OLFM3: variants seen among roughly 807,000 people sequenced by gnomAD.
The protein encoded by OLFM3 is noelin-3.
In OLFM3, 20 loss-of-function variants were observed where a neutral mutation model predicts 48.6. That is an observed-to-expected ratio of 0.41 (90% CI 0.29 to 0.60). The LOEUF is 0.60. Ranked by LOEUF, OLFM3 falls within the 20% of genes least tolerant of loss-of-function variation. OLFM3 has a pLI of 0.28. For synonymous variants in OLFM3, 222 were observed against 198.1 expected, an observed-to-expected ratio of 1.12 and a Z score of -1.01; for missense variants, 437 against 544.3, an observed-to-expected ratio of 0.80 and a Z score of 1.96.
intron 4 of OLFM3, among the ~76,000 whole-genome samples, chr1:101,811,091 A>G (rs1654025399): frequency 6.6e-6 from 1 of 152,122 alleles, no homozygotes; most frequent in East Asian, 1.9e-4. Context: ...ATACATACAC[A>G]GGATCTCAGA....
At chr1:101,812,613 C>T in intron 4 of OLFM3, 1 of 985,684 alleles carries the variant, frequency 1.0e-6, no homozygotes, top group Non-Finnish European at 1.2e-6. Flanking sequence ...CACAGCACAT[C>T]ACTGGCTTGG....
At chr1:101,990,071 C>T (rs935069550) in intron 1 of OLFM3, among the ~76,000 whole-genome samples, 4 of 152,146 alleles carry the variant, frequency 2.6e-5, no homozygotes, top group Admixed American at 1.3e-4. Flanking sequence ...GATCTCTTCT[C>T]CATGATTAGT....
chr1:101,825,200 G>A lies in OLFM3; in HGVS notation c.418C>T (p.Leu140=). 1.9e-6 allele frequency: 3 copies of A among 1,614,046 alleles called. No individual in the cohort carries two copies. The highest frequency in any genetic ancestry group is 2.5e-6 in the Non-Finnish European group (3 of 1,179,952). The change falls in exon 4 of 6, where the codon CTG becomes TTG. Residue 140 remains leucine, a synonymous_variant. Coordinates refer to ENST00000370103, the MANE Select transcript of OLFM3 (RefSeq NM_058170.4). ...TTAGCATCTGTTTTGTACTGTTCCA[G>A]CACGGGGATCAAAGGCAGGAGCTCG... ...MDELLPLIPV[L]EQYKTDAKLI... is the part of the protein sequence containing the mutation.
chr1:101,988,182 T>C (rs10747412), intron 1 of OLFM3, among the ~76,000 whole-genome samples: 152,090 of 152,214 alleles, frequency 1, 75,985 homozygotes, highest in Middle Eastern at 1. Context: ...AGGTAATATA[T>C]GAATTTATCA....
intron 3 of OLFM3, among the ~76,000 whole-genome samples, chr1:101,826,754 A>C (rs72985992): frequency 0.011 from 1,664 of 152,334 alleles, 12 homozygotes; most frequent in Middle Eastern, 0.027. Flanking sequence ...AAATAGACTT[A>C]TTAAAGTATC....
At chr1:101,861,493 A>G (rs1656655367) in intron 1 of OLFM3, among the ~76,000 whole-genome samples, 1 of 152,246 alleles carries the variant, frequency 6.6e-6, no homozygotes, top group African/African-American at 2.4e-5. Flanking sequence ...AGTGTCCAGG[A>G]AACACCATAG....
rs1313291893 is a variant in OLFM3, at chr1:101,902,429, G to C, written c.70-65404C>G. Among the ~76,000 whole-genome samples, 7 of 151,928 alleles carry C rather than the reference G, an allele frequency of 4.6e-5. No homozygotes were observed. The East Asian group carries it at 1.2e-3, about 25-fold the overall frequency. ...AAGCTTGGAATAGTAGCATCACAGA[G>C]AGGAAATGAAGAAATTGAGCATGTT... On this transcript the variant is annotated intron_variant, in intron 1 of 5. Coordinates refer to ENST00000370103, the MANE Select transcript of OLFM3 (RefSeq NM_058170.4).
In OLFM3 at chr1:101,984,542, C is replaced by T. The variant is rs565214320; in HGVS notation, c.69+12206G>A. Among the ~76,000 whole-genome samples, 12 of 152,238 alleles carry T rather than the reference C, an allele frequency of 7.9e-5. No individual in the cohort carries two copies. In the East Asian group the frequency reaches 9.7e-4, roughly 12 times the overall value. ...CATCCCAAGTAGCTGGAACTACAGG[C>T]GTCTGCCGCCATGCCCAGCTAATTT... On this transcript the variant is annotated intron_variant, in intron 1 of 5. Transcript: ENST00000370103.
intron 2 of OLFM3, among the ~76,000 whole-genome samples, chr1:101,833,939 A>G (rs933334145): frequency 6.6e-6 from 1 of 152,214 alleles, no homozygotes; most frequent in Non-Finnish European, 1.5e-5. Flanking sequence ...ATTAAAAAAA[A>G]TCACACTTTA....
At chr1:101,865,073 T>C (rs915845563) in intron 1 of OLFM3, among the ~76,000 whole-genome samples, 4 of 152,200 alleles carry the variant, frequency 2.6e-5, no homozygotes, top group South Asian at 2.1e-4. Context: ...ACCTTCAAAG[T>C]TGATTAGTAT....
At chr1:101,921,278 T>C (rs747637174) in intron 1 of OLFM3, among the ~76,000 whole-genome samples, 6 of 151,766 alleles carry the variant, frequency 4.0e-5, no homozygotes, top group Non-Finnish European at 7.4e-5. Context: ...GTGATTATAA[T>C]GATCCCTTGA....
intron 2 of OLFM3, among the ~76,000 whole-genome samples, chr1:101,834,471 C>G (rs554749312): frequency 5.9e-5 from 9 of 152,270 alleles, no homozygotes; most frequent in Admixed American, 2.0e-4. Flanking sequence ...AGGTCATGCT[C>G]TTGTTTGCCC....
intron 2 of OLFM3, among the ~76,000 whole-genome samples, chr1:101,831,668 A>C (rs1475416655): frequency 6.6e-6 from 1 of 152,230 alleles, no homozygotes; most frequent in Non-Finnish European, 1.5e-5. Context: ...ATAGATCTCT[A>C]TGCTGTTAGT....
chr1:101,949,861 C>T (rs1399863635), intron 1 of OLFM3, among the ~76,000 whole-genome samples: 5 of 140,416 alleles, frequency 3.6e-5, no homozygotes, highest in East Asian at 2.3e-4. Context: ...ACCCGGGAGG[C>T]GGAGCTTGCA....
At chr1:101,856,665 A>T (rs780282312) in intron 1 of OLFM3, among the ~76,000 whole-genome samples, 10 of 152,054 alleles carry the variant, frequency 6.6e-5, no homozygotes, top group Non-Finnish European at 1.3e-4. Flanking sequence ...TGTCAGAAAA[A>T]CATAAACAGA....
At chr1:101,829,850 T>C (rs1221456443) in intron 3 of OLFM3, among the ~76,000 whole-genome samples, 1 of 152,094 alleles carries the variant, frequency 6.6e-6, no homozygotes, top group African/African-American at 2.4e-5. Context: ...TCTTTTTTTT[T>C]TTGAGACGGA....
intron 1 of OLFM3, among the ~76,000 whole-genome samples, chr1:101,860,636 G>C (rs1317501935): frequency 6.6e-6 from 1 of 152,014 alleles, no homozygotes; most frequent in Non-Finnish European, 1.5e-5. Flanking sequence ...GGTCAGACCA[G>C]TTCTCTCATA....
chr1:101,897,179 A>G (rs1403099840), intron 1 of OLFM3, among the ~76,000 whole-genome samples: 2 of 152,204 alleles, frequency 1.3e-5, no homozygotes, highest in African/African-American at 4.8e-5. Context: ...TAAGAAAAAT[A>G]TTGAAAGAAA....
chr1:101,905,593 A>C (rs1658524775), intron 1 of OLFM3, among the ~76,000 whole-genome samples: 1 of 152,144 alleles, frequency 6.6e-6, no homozygotes. Flanking sequence ...GGGAGTGCTC[A>C]TCAAGCTAAC....
Sources: gnomAD v4.1 joint callset for allele counts (sites outside exome capture counted in the v4.1 genomes callset) on GRCh38, gnomAD v4.1.1 for gene constraint, MANE v1.5 for transcripts, NCBI Gene and HGNC (gene_info 2026-07-23, HGNC 2026-07-21) for gene names.